Variants in ERAP1 observed in about 807,000 individuals in gnomAD.
ERAP1 encodes endoplasmic reticulum aminopeptidase 1, also known as adipocyte-derived leucine aminopeptidase.
A neutral mutation model predicts 103.7 loss-of-function variants in ERAP1; 86 were observed. That is an observed-to-expected ratio of 0.83 (90% CI 0.70 to 0.99). The LOEUF (loss-of-function observed/expected upper bound fraction) is 0.99, where lower values mean the gene tolerates loss of function less well. Among genes scored for constraint, ERAP1 ranks in the 50% least tolerant of loss-of-function variants. The probability of loss-of-function intolerance (pLI) is 0.00; values close to 1 mark genes in which losing one functional copy is unlikely to be tolerated. For missense variants in ERAP1, 1,009 were observed against 1,128.4 expected (o/e 0.89, Z 1.52); for synonymous variants, 398 against 402.4 (o/e 0.99, Z 0.13).
At chr5:96,880,353 T>C in the ERAP1 span, 1 of 1,178,786 alleles carries the variant, frequency 8.5e-7, no homozygotes, top group Non-Finnish European at 1.2e-6. Flanking sequence ...CAGCCATTTA[T>C]GAGAAATCCA....
At chr5:96,835,331 A>G in the ERAP1 span, among the ~76,000 whole-genome samples, 354 of 152,310 alleles carry the variant, frequency 2.3e-3, 1 homozygote, top group Non-Finnish European at 3.3e-3. Context: ...TCCTGACAAG[A>G]ACTTGATTGA....
the ERAP1 span, among the ~76,000 whole-genome samples, chr5:96,922,685 C>T: frequency 1.3e-5 from 2 of 152,190 alleles, no homozygotes; most frequent in Non-Finnish European, 1.5e-5. Context: ...GACCCTCTGT[C>T]CGGGTGAGTT....
chr5:96,922,686 C>T, the ERAP1 span, among the ~76,000 whole-genome samples: 6,430 of 152,190 alleles, frequency 0.042, 153 homozygotes, highest in East Asian at 0.065. Flanking sequence ...ACCCTCTGTC[C>T]GGGTGAGTTA....
the ERAP1 span, among the ~76,000 whole-genome samples, chr5:96,820,325 T>C: frequency 6.6e-6 from 1 of 152,144 alleles, no homozygotes; most frequent in African/African-American, 2.4e-5. Flanking sequence ...TCAGAATTAG[T>C]AGCAAGAATA....
In ERAP1 at chr5:96,762,356, C is replaced by T. The variant is rs1239792416; in HGVS notation, c.*844G>A. The T allele has an allele frequency of 2.5e-6, 4 of 1,599,732 alleles. No homozygotes were observed. In the Admixed American group the frequency reaches 5.3e-5, roughly 21 times the overall value. ...GCTTCAACGACCCAAGCTGGAGCCC[C>T]ACCCCGTGATACCTCGGTAAGCAGC... On this transcript the variant is annotated 3_prime_UTR_variant, in exon 20 of 20. Transcript: ENST00000296754.
At chr5:96,814,329 T>G in the ERAP1 span, 1 of 456,282 alleles carries the variant, frequency 2.2e-6, no homozygotes, top group South Asian at 1.5e-5. Context: ...AAGGAAATTA[T>G]GCAAGAGAAT....
At chr5:96,904,971 G>A in the ERAP1 span, among the ~76,000 whole-genome samples, 1 of 151,916 alleles carries the variant, frequency 6.6e-6, no homozygotes, top group Admixed American at 6.6e-5. Flanking sequence ...TTTTGAGCTT[G>A]GACAAGTTTT....
chr5:96,866,889 G>A, the ERAP1 span, among the ~76,000 whole-genome samples: 1 of 152,194 alleles, frequency 6.6e-6, no homozygotes, highest in African/African-American at 2.4e-5. Flanking sequence ...ATGTCCCACA[G>A]GACCAAGCAA....
the ERAP1 span, among the ~76,000 whole-genome samples, chr5:96,863,507 G>C: frequency 3.9e-5 from 6 of 151,902 alleles, no homozygotes; most frequent in East Asian, 1.2e-3. Flanking sequence ...TCTTCTCTTG[G>C]CTTCTGTCAT....
At chr5:96,797,376 C>G in intron 3 of ERAP1, 67 bp from the exon 4 acceptor site, 1 of 1,533,292 alleles carries the variant, frequency 6.5e-7, no homozygotes, top group Non-Finnish European at 9.0e-7. Context: ...TGATAAATTT[C>G]CTAATTATCA....
chr5:96,909,062 C>A, the ERAP1 span: 2 of 1,614,108 alleles, frequency 1.2e-6, no homozygotes, highest in Non-Finnish European at 1.7e-6. Flanking sequence ...TACTTGGAAT[C>A]GTTTTACCAC....
the ERAP1 span, chr5:96,934,660 C>T: frequency 1.3e-5 from 2 of 152,274 alleles, no homozygotes; most frequent in Non-Finnish European, 2.9e-5. Flanking sequence ...GATTTGACTT[C>T]TTCGAAACCT....
intron 4 of ERAP1, among the ~76,000 whole-genome samples, chr5:96,796,018 A>G (rs916963880): frequency 6.6e-6 from 1 of 152,228 alleles, no homozygotes; most frequent in Non-Finnish European, 1.5e-5. Flanking sequence ...AGAGATTCAG[A>G]TAAGTGGCAA....
chr5:96,884,025 A>C, the ERAP1 span: 5 of 1,205,328 alleles, frequency 4.1e-6, no homozygotes, highest in Non-Finnish European at 5.7e-6. Flanking sequence ...TTCAGCCATT[A>C]ATTTGTTTTT....
At chr5:96,933,452 TG>T in the ERAP1 span, among the ~76,000 whole-genome samples, 1 of 152,120 alleles carries the variant, frequency 6.6e-6, no homozygotes. Flanking sequence ...TGTCTTTGTG[TG>T]TGTGAAGGAA....
At chr5:96,768,312 G>T (rs560460971) in intron 19 of ERAP1, 23 of 412,676 alleles carry the variant, frequency 5.6e-5, no homozygotes, top group African/African-American at 4.8e-4. Flanking sequence ...TCGAGCTCTT[G>T]GGCTCAAGTG....
At chr5:96,787,873 T>G (rs1270219965) in intron 11 of ERAP1, among the ~76,000 whole-genome samples, 10 of 149,626 alleles carry the variant, frequency 6.7e-5, no homozygotes, top group African/African-American at 2.4e-4. Context: ...TACATATATA[T>G]ATAGAGAGAG....
At chr5:96,830,898 T>C in the ERAP1 span, among the ~76,000 whole-genome samples, 13 of 152,168 alleles carry the variant, frequency 8.5e-5, no homozygotes, top group Admixed American at 3.3e-4. Context: ...CCAGGATCCC[T>C]GCAAATACCA....
At chr5:96,780,278 G>A (rs1050890772) in intron 18 of ERAP1, 145 bp downstream of exon 18, 1 of 579,664 alleles carries the variant, frequency 1.7e-6, no homozygotes, top group Admixed American at 3.4e-5. Context: ...TTATGCTGCT[G>A]TCAACACCAT....
Sources: gnomAD v4.1 joint callset for allele counts (sites outside exome capture counted in the v4.1 genomes callset) on GRCh38, gnomAD v4.1.1 for gene constraint, MANE v1.5 for transcripts, NCBI Gene and HGNC (gene_info 2026-07-23, HGNC 2026-07-21) for gene names.